Variants in NDUFC2 observed in about 807,000 individuals in gnomAD.
NDUFC2 encodes NADH dehydrogenase [ubiquinone] 1 subunit C2.
NDUFC2 carries 2 observed loss-of-function variants against 10.1 expected under a neutral mutation model. The observed-to-expected ratio is 0.20, with a 90% confidence interval of 0.08 to 0.62. The LOEUF is 0.62. Among genes scored for constraint, NDUFC2 ranks in the 20% least tolerant of loss-of-function variants. The pLI is 0.87. For synonymous variants in NDUFC2, 61 were observed against 63.6 expected, an observed-to-expected ratio of 0.96 and a Z score of 0.20; for missense variants, 156 against 159.6, an observed-to-expected ratio of 0.98 and a Z score of 0.12.
Position 78,072,991 on chromosome 11 carries a change from G to T in NDUFC2, c.310+7C>A, listed in dbSNP as rs1243845197. The T allele has an allele frequency of 6.2e-7, 1 of 1,608,024 alleles. No homozygotes were observed. Among genetic ancestry groups the T allele is most frequent in the East Asian group, 2.2e-5 (1 of 44,842 alleles). On this transcript the variant is annotated splice_region_variant and intron_variant, in intron 2 of 2. Transcript: ENST00000281031. ...AACACAGATTATCTAAAATTAACTT[G>T]AAATACCTTCTTCAGGAAAATCCTC...
Position 78,079,739 on chromosome 11 carries a change from G to T in NDUFC2, c.6C>A (p.Ile2=), listed in dbSNP as rs61740896. The change falls in exon 1 of 3, where the codon ATC becomes ATA. Residue 2 remains isoleucine (I), a synonymous_variant. Coordinates refer to ENST00000281031, the MANE Select transcript of NDUFC2 (RefSeq NM_004549.6). M[I]ARRNPEPLRF... is the part of the protein sequence containing the mutation. ...GTAAGGGTTCTGGGTTCCGCCGTGC[G>T]ATCATGGTGACGCCGTTTCCACTTG... 2,071 of 1,606,056 alleles carry T rather than the reference G, an allele frequency of 1.3e-3. 23 individuals are homozygous for T. In the African/African-American group the frequency reaches 0.025, roughly 20 times the overall value.
intron 1 of NDUFC2, among the ~76,000 whole-genome samples, chr11:78,075,198 C>T (rs560065030): frequency 4.6e-5 from 7 of 152,102 alleles, no homozygotes; most frequent in African/African-American, 7.2e-5. Flanking sequence ...CTCTAAATTT[C>T]GGGCACATTA....
At chr11:78,070,538 G>A (rs1017845723) in intron 2 of NDUFC2, among the ~76,000 whole-genome samples, 12 of 152,036 alleles carry the variant, frequency 7.9e-5, no homozygotes, top group African/African-American at 2.4e-4. Flanking sequence ...TAGGCCAAAC[G>A]GACTAAGACA....
chr11:78,069,926 T>A lies in NDUFC2; in HGVS notation c.*61A>T. On this transcript the variant is annotated 3_prime_UTR_variant, in exon 3 of 3. Coordinates refer to ENST00000281031, the MANE Select transcript of NDUFC2 (RefSeq NM_004549.6). The stretch of plus-strand genomic sequence containing the variant: ...TAAGCTTCAACTGTCATAAGAAACA[T>A]GTTCCATCAAATTCAGAAACAGCAG... The A allele has an allele frequency of 6.2e-7, 1 of 1,613,682 alleles. No individual in the cohort carries two copies.
chr11:78,075,198 CG>C (rs1211838555), intron 1 of NDUFC2, among the ~76,000 whole-genome samples: 2 of 152,102 alleles, frequency 1.3e-5, no homozygotes, highest in Non-Finnish European at 2.9e-5. Flanking sequence ...CTCTAAATTT[CG>C]GGCACATTAA....
intron 2 of NDUFC2, among the ~76,000 whole-genome samples, chr11:78,070,815 T>G (rs1858968123): frequency 6.6e-6 from 1 of 152,200 alleles, no homozygotes; most frequent in Admixed American, 6.5e-5. Flanking sequence ...ATGAGGCTCT[T>G]GGCACAACTG....
intron 1 of NDUFC2, among the ~76,000 whole-genome samples, chr11:78,075,135 C>T (rs1859191207): frequency 6.6e-6 from 1 of 152,164 alleles, no homozygotes; most frequent in Non-Finnish European, 1.5e-5. Context: ...TACTGATAAA[C>T]TAGAGATCAA....
In NDUFC2 at chr11:78,070,052, T is replaced by C. The variant is rs1438793201; in HGVS notation, c.311-16A>G. On this transcript the variant is annotated splice_polypyrimidine_tract_variant and intron_variant, in intron 2 of 2. Transcript: ENST00000281031. Reference sequence around the variant, plus strand: ...GTTTTCTTATCTATAAAAGGAAAGATCATAAAAGATTTATTTTAAAAATAT... The same window carrying C: ...GTTTTCTTATCTATAAAAGGAAAGACCATAAAAGATTTATTTTAAAAATAT... The C allele has an allele frequency of 3.1e-5, 46 of 1,474,052 alleles. No individual in the cohort carries two copies. The highest frequency in any genetic ancestry group is 4.3e-5 in the Non-Finnish European group (46 of 1,069,606). 91.3% of individuals were successfully genotyped at this position (1,474,052 alleles called of 1,614,324 possible).
At chr11:78,076,267 G>A (rs942249893) in intron 1 of NDUFC2, among the ~76,000 whole-genome samples, 53 of 151,794 alleles carry the variant, frequency 3.5e-4, no homozygotes, top group African/African-American at 1.2e-3. Context: ...TCTGCCTCCC[G>A]AGTAGCTGGG....
intron 1 of NDUFC2, among the ~76,000 whole-genome samples, chr11:78,075,042 C>T (rs531154268): frequency 6.6e-6 from 1 of 152,328 alleles, no homozygotes; most frequent in East Asian, 1.9e-4. Flanking sequence ...TACCTGCACA[C>T]CCCATCTACA....
rs905537118 is a variant in NDUFC2, at chr11:78,068,481, C to T, written c.*1506G>A. ...AAACCATCTGCTTATATTTATAAGGCCACCTAATTTGAAATCACATATAGA... is the reference window on the plus strand; with the variant it reads ...AAACCATCTGCTTATATTTATAAGGTCACCTAATTTGAAATCACATATAGA... On this transcript the variant is annotated 3_prime_UTR_variant, in exon 3 of 3. Coordinates refer to ENST00000281031, the MANE Select transcript of NDUFC2 (RefSeq NM_004549.6). 3 of 152,132 alleles carry T rather than the reference C, an allele frequency of 2.0e-5. No homozygotes were observed. The highest frequency in any genetic ancestry group is 7.2e-5 in the African/African-American group (3 of 41,436). 9.4% of individuals were successfully genotyped at this position (152,132 alleles called of 1,614,324 possible).
intron 2 of NDUFC2, 125 bp downstream of exon 2, chr11:78,072,873 C>T: frequency 7.4e-7 from 1 of 1,350,646 alleles, no homozygotes; most frequent in Non-Finnish European, 1.0e-6. Flanking sequence ...GAATTTTGGT[C>T]TATAGACTAA....
At chr11:78,078,715 G>C (rs1368050914) in intron 1 of NDUFC2, among the ~76,000 whole-genome samples, 1 of 50,652 alleles carries the variant, frequency 2.0e-5, no homozygotes, top group Non-Finnish European at 4.1e-5. Context: ...CAGACCTCAT[G>C]AATCAGGATC....
At chr11:78,073,556 C>G (rs930053374) in intron 1 of NDUFC2, among the ~76,000 whole-genome samples, 9 of 151,590 alleles carry the variant, frequency 5.9e-5, no homozygotes, top group African/African-American at 2.2e-4. Context: ...CCTGTAATAC[C>G]AGCACTTTGG....
chr11:78,074,685 T>TA (rs1236554989), intron 1 of NDUFC2, among the ~76,000 whole-genome samples: 1 of 151,800 alleles, frequency 6.6e-6, no homozygotes, highest in Non-Finnish European at 1.5e-5. Flanking sequence ...CATATGCATA[T>TA]AAAAGTATTT....
intron 1 of NDUFC2, among the ~76,000 whole-genome samples, chr11:78,075,851 G>C (rs971280406): frequency 6.6e-6 from 1 of 152,124 alleles, no homozygotes; most frequent in African/African-American, 2.4e-5. Context: ...GCCTTCCAAA[G>C]TGTTGGGATT....
At chr11:78,072,835 G>A (rs1859067525) in intron 2 of NDUFC2, 163 bp downstream of exon 2, 2 of 1,022,266 alleles carry the variant, frequency 2.0e-6, no homozygotes, top group Non-Finnish European at 2.8e-6. Flanking sequence ...CACGGAGGTA[G>A]TCAGAAACTG....
intron 1 of NDUFC2, among the ~76,000 whole-genome samples, chr11:78,075,095 C>A (rs2136835118): frequency 6.6e-6 from 1 of 152,298 alleles, no homozygotes; most frequent in African/African-American, 2.4e-5. Context: ...ACCCCGGCAG[C>A]TATTGTGCTC....
At chr11:78,075,383 T>C (rs971130111) in intron 1 of NDUFC2, among the ~76,000 whole-genome samples, 4 of 151,972 alleles carry the variant, frequency 2.6e-5, no homozygotes, top group Non-Finnish European at 5.9e-5. Context: ...AAAGAAGGGG[T>C]GAATGTTTGG....
Sources: allele counts gnomAD v4.1 joint callset (sites outside exome capture counted in the v4.1 genomes callset), GRCh38; gene constraint gnomAD v4.1.1; transcripts MANE v1.5; gene names NCBI Gene and HGNC (gene_info 2026-07-23, HGNC 2026-07-21).